SLC29A2: variants seen among roughly 807,000 people sequenced by gnomAD.
SLC29A2 encodes the protein equilibrative nucleoside transporter 2.
A neutral mutation model predicts 48.8 loss-of-function variants in SLC29A2; 37 were observed. The observed-to-expected ratio is 0.76, with a 90% confidence interval of 0.58 to 1.00. The LOEUF is 1.00. Ranked by LOEUF, SLC29A2 falls within the 50% of genes least tolerant of loss-of-function variation. The pLI is 0.00. For missense variants in SLC29A2, 533 were observed against 578.6 expected (o/e 0.92, Z 0.81); for synonymous variants, 233 against 261.7 (o/e 0.89, Z 1.06).
chr11:66,368,180 G>A (rs1335720816), intron 5 of SLC29A2, among the ~76,000 whole-genome samples: 2 of 152,172 alleles, frequency 1.3e-5, no homozygotes, highest in South Asian at 2.1e-4. Context: ...GCACAGAGAG[G>A]TGACAAGCCT....
Position 66,367,500 on chromosome 11 carries a change from G to A in SLC29A2, c.697C>T (p.Gln233Ter). The change falls in exon 7 of 12, where the codon CAG (glutamine) becomes TAG (stop). Residue 233 changes from glutamine to a stop codon, truncating the protein, a stop_gained. Transcript: ENST00000357440. LOFTEE classifies it high-confidence loss of function. ...AGCTCAGCTTTGGTCTCCAGCTCCTGAGCTTGGGCCTGGGATGATTTATTG... is the reference window on the plus strand; with the variant it reads ...AGCTCAGCTTTGGTCTCCAGCTCCTAAGCTTGGGCCTGGGATGATTTATTG... ...LANKSSQAQAQELETKAELLQ... is the reference protein window; with the variant it reads ...LANKSSQAQA 6.2e-7 allele frequency: 1 copy of A among 1,614,156 alleles called. No homozygotes were observed. The highest frequency in any genetic ancestry group is 2.2e-5 in the East Asian group (1 of 44,888).
intron 6 of SLC29A2, 110 bp from the exon 7 acceptor site, chr11:66,367,658 G>C: frequency 3.4e-6 from 5 of 1,468,978 alleles, no homozygotes; most frequent in Non-Finnish European, 2.9e-6. Flanking sequence ...TTCTCTGGGG[G>C]TCAGGGCTGA....
Position 66,369,513 on chromosome 11 carries a change from G to T in SLC29A2, c.131C>A (p.Ala44Asp). 6.2e-7 allele frequency: 1 copy of T among 1,613,866 alleles called. No individual in the cohort carries two copies. The highest frequency in any genetic ancestry group is 2.2e-5 in the East Asian group (1 of 44,880). ...CCTGGCTGTGCTGTTGCCGGCCCCG[G>T]CCAGTCGCGCCTGGAAGTACTGCCA... ...TAIPYFQARL[A>D]GAGNSTARIL... The change falls in exon 3 of 12, where the codon GCC becomes GAC. Residue 44 changes from alanine (A) to aspartate (D), a missense_variant. Physicochemically the swap from Ala to Asp is moderately radical, Grantham distance 126. Coordinates refer to ENST00000357440, the MANE Select transcript of SLC29A2 (RefSeq NM_001532.3).
chr11:66,369,847 C>T (rs1007210068), intron 2 of SLC29A2, among the ~76,000 whole-genome samples: 2 of 152,214 alleles, frequency 1.3e-5, no homozygotes, highest in African/African-American at 2.4e-5. Flanking sequence ...ATTCATTCCA[C>T]GGGTATTTAT....
In SLC29A2 at chr11:66,371,336, C is replaced by G. The variant is rs1444127202; in HGVS notation, c.30-11G>C. The stretch of plus-strand genomic sequence containing the variant: ...CCGACCAGGTGGTAGCTGTGGGGAT[C>G]GGTGGGAAGGTCACCCCGAGGACGC... On this transcript the variant is annotated splice_polypyrimidine_tract_variant and intron_variant, in intron 1 of 11. Transcript: ENST00000357440. 8 of 1,613,324 alleles carry G rather than the reference C, an allele frequency of 5.0e-6. No individual in the cohort carries two copies. Among genetic ancestry groups the G allele is most frequent in the South Asian group, 1.1e-5 (1 of 91,032 alleles).
At chr11:66,366,617 C>G in intron 7 of SLC29A2, 53 bp from the exon 8 acceptor site, 1 of 1,596,164 alleles carries the variant, frequency 6.3e-7, no homozygotes, top group Non-Finnish European at 8.6e-7. Flanking sequence ...GGTTTCCCGA[C>G]AGCCAGGCCC....
Position 66,365,861 on chromosome 11 carries a change from C to A in SLC29A2, c.1059+75G>T, listed in dbSNP as rs1855655568. The A allele has an allele frequency of 3.6e-6, 5 of 1,392,166 alleles. No individual in the cohort carries two copies. In the East Asian group the frequency reaches 1.1e-4, roughly 32 times the overall value. 86.2% of individuals were successfully genotyped at this position (1,392,166 alleles called of 1,614,324 possible). ...GCCATTTGGACTACCAGAAAATCAC[C>A]TCCATGCTCTTTCAAGCCCTCGGAT... On this transcript the variant is annotated intron_variant, in intron 10 of 11. Transcript: ENST00000357440.
chr11:66,371,876 C>G (rs886647546), upstream of SLC29A2: 4 of 510,060 alleles, frequency 7.8e-6, no homozygotes, highest in Non-Finnish European at 1.0e-5. Context: ...GGCCCCGCCC[C>G]ACCTAGGGGC....
chr11:66,367,517 G>A lies in SLC29A2; in HGVS notation c.680C>T (p.Ser227Leu). ...KFARYYLANK[S>L]SQAQAQELET... ...CAGCTCCTGAGCTTGGGCCTGGGAT[G>A]ATTTATTGGCCAGGTAGTAGCGGGC... is the stretch of plus-strand genomic sequence containing the variant. Residue 227 changes from serine to leucine, a missense_variant, in exon 7 of 12, where the codon TCA becomes TTA. Coordinates refer to ENST00000357440, the MANE Select transcript of SLC29A2 (RefSeq NM_001532.3). 2 of 1,614,170 alleles carry A rather than the reference G, an allele frequency of 1.2e-6. No individual in the cohort carries two copies. Among genetic ancestry groups the A allele is most frequent in the South Asian group, 2.2e-5 (2 of 91,082 alleles).
At position 66,364,211 on chromosome 11, in the gene SLC29A2, C is replaced by T; in HGVS notation, c.1259+14G>A. The T allele has an allele frequency of 6.3e-7, 1 of 1,583,718 alleles. No homozygotes were observed. The highest frequency in any genetic ancestry group is 1.1e-5 in the South Asian group (1 of 87,602). ...CCTACTCCCAGCCCCCCACCCCACCCCATTGCCCCGGACCTGGGCGCCAGG... is the reference window on the plus strand; with the variant it reads ...CCTACTCCCAGCCCCCCACCCCACCTCATTGCCCCGGACCTGGGCGCCAGG... On this transcript the variant is annotated intron_variant, in intron 11 of 11. Coordinates refer to ENST00000357440, the MANE Select transcript of SLC29A2 (RefSeq NM_001532.3).
At position 66,369,502 on chromosome 11, in the gene SLC29A2, T is replaced by C; in HGVS notation, c.142A>G (p.Asn48Asp). ...GTGCTCAGGATCCTGGCTGTGCTGT[T>C]GCCGGCCCCGGCCAGTCGCGCCTGG... ...YFQARLAGAG[N>D]STARILSTNH... Residue 48 changes from asparagine (N) to aspartate (D), a missense_variant, in exon 3 of 12, where the codon AAC (asparagine) becomes GAC (aspartate). Transcript: ENST00000357440. 1.2e-6 allele frequency: 2 copies of C among 1,613,928 alleles called. No homozygotes were observed. Among genetic ancestry groups the C allele is most frequent in the Non-Finnish European group, 1.7e-6 (2 of 1,179,958 alleles).
chr11:66,370,350 C>T (rs1590663677), intron 2 of SLC29A2, among the ~76,000 whole-genome samples: 1 of 152,244 alleles, frequency 6.6e-6, no homozygotes, highest in African/African-American at 2.4e-5. Flanking sequence ...CCCTCTTGCT[C>T]TCAAGCCCAG....
intron 1 of SLC29A2, 78 bp from the exon 2 acceptor site, chr11:66,371,403 C>T: frequency 6.4e-7 from 1 of 1,553,292 alleles, no homozygotes; most frequent in Non-Finnish European, 8.8e-7. Flanking sequence ...GCCACCCCCT[C>T]CGGAGCGGAC....
chr11:66,364,530 G>A (rs1470285933), intron 10 of SLC29A2, 106 bp from the exon 11 acceptor site: 1 of 774,482 alleles, frequency 1.3e-6, no homozygotes, highest in Non-Finnish European at 2.1e-6. Context: ...TTTAGATGGA[G>A]TCTCGCTCTG....
rs753342833 is a variant in SLC29A2 at position 66,367,830 on chromosome 11, A to G, written c.590T>C (p.Ile197Thr). The change falls in exon 6 of 12, where the codon ATC becomes ACC. Residue 197 changes from isoleucine (I) to threonine (T), a missense_variant. By Grantham distance (89) the Ile-to-Thr change is moderately conservative (BLOSUM62 -1). Transcript: ENST00000357440. ...DAETSALGYF[I>T]TPCVGILMSI... ...CATGAGGATGCCCACACAGGGCGTGATAAAGTACCCCAGGGCAGAGGTCTC... is the reference window on the plus strand; with the variant it reads ...CATGAGGATGCCCACACAGGGCGTGGTAAAGTACCCCAGGGCAGAGGTCTC... 6.2e-7 allele frequency: 1 copy of G among 1,614,196 alleles called. No individual in the cohort carries two copies. The highest frequency in any genetic ancestry group is 8.5e-7 in the Non-Finnish European group (1 of 1,180,008).
In SLC29A2 at chr11:66,371,338, G is replaced by C. The variant is rs1331490453; in HGVS notation, c.30-13C>G. ...GACCAGGTGGTAGCTGTGGGGATCG[G>C]TGGGAAGGTCACCCCGAGGACGCAC... On this transcript the variant is annotated splice_polypyrimidine_tract_variant and intron_variant, in intron 1 of 11. Transcript: ENST00000357440. 3.1e-6 allele frequency: 5 copies of C among 1,613,232 alleles called. No homozygotes were observed. The highest frequency in any genetic ancestry group is 4.2e-6 in the Non-Finnish European group (5 of 1,179,678).
chr11:66,365,475 C>T (rs1010271327), intron 10 of SLC29A2, among the ~76,000 whole-genome samples: 3 of 152,220 alleles, frequency 2.0e-5, no homozygotes, highest in African/African-American at 7.2e-5. Flanking sequence ...TTCCACAGAC[C>T]CCCTTGGGGG....
At position 66,366,556 on chromosome 11, in the gene SLC29A2, C is replaced by T. The variant is rs542568717; in HGVS notation, c.742G>A (p.Gly248Arg). 3.1e-5 allele frequency: 50 copies of T among 1,613,634 alleles called. No homozygotes were observed. The Admixed American group carries it at 5.8e-4, about 19-fold the overall frequency. Reference sequence around the variant, plus strand: ...ACTTTCTGGGGACTACTGGGAATCCCGTTCTCATCTGGGGTGAGGGGGGAC... The same window carrying T: ...ACTTTCTGGGGACTACTGGGAATCCTGTTCTCATCTGGGGTGAGGGGGGAC... ...KAELLQSDENGIPSSPQKVAL... is the reference protein window; with the variant it reads ...KAELLQSDENRIPSSPQKVAL... Residue 248 changes from glycine to arginine, a missense_variant, in exon 8 of 12, where the codon GGG (glycine) becomes AGG (arginine). Gly to Arg is a moderately radical substitution (Grantham distance 125). Transcript: ENST00000357440.
intron 10 of SLC29A2, among the ~76,000 whole-genome samples, chr11:66,365,699 C>T (rs1405219767): frequency 6.6e-6 from 1 of 152,238 alleles, no homozygotes; most frequent in African/African-American, 2.4e-5. Context: ...CTCTGAGCAG[C>T]AAAGGCTGGA....
Sources: allele counts gnomAD v4.1 joint callset (sites outside exome capture counted in the v4.1 genomes callset), GRCh38; gene constraint gnomAD v4.1.1; transcripts MANE v1.5; gene names NCBI Gene and HGNC (gene_info 2026-07-23, HGNC 2026-07-21).